STAMBP: variants seen among roughly 807,000 people sequenced by gnomAD.
The protein encoded by STAMBP is STAM binding protein, also known as STAM-binding protein.
In STAMBP, 31 loss-of-function variants were observed where a neutral mutation model predicts 50.7. That is an observed-to-expected ratio of 0.61 (90% CI 0.46 to 0.83). The LOEUF (loss-of-function observed/expected upper bound fraction) is 0.83, where lower values mean the gene tolerates loss of function less well. Among genes scored for constraint, STAMBP ranks in the 40% least tolerant of loss-of-function variants. The pLI, the probability that STAMBP is intolerant of heterozygous loss-of-function variation, is 0.00. For missense variants in STAMBP, 472 were observed against 518.9 expected, an observed-to-expected ratio of 0.91 and a Z score of 0.88; for synonymous variants, 211 against 192.4, an observed-to-expected ratio of 1.10 and a Z score of -0.80.
At chr2:73,837,757 C>T (rs1674905389) in intron 2 of STAMBP, among the ~76,000 whole-genome samples, 2 of 151,986 alleles carry the variant, frequency 1.3e-5, no homozygotes, top group South Asian at 4.2e-4. Flanking sequence ...ATAGGCTTCA[C>T]CAGATGCCAG....
intron 2 of STAMBP, among the ~76,000 whole-genome samples, chr2:73,834,237 ATAT>A (rs1282729766): frequency 1.8e-4 from 2 of 11,210 alleles, no homozygotes; most frequent in Non-Finnish European, 2.8e-4. Context: ...AAAAAAAAAA[ATAT>A]ATATATATAT....
intron 7 of STAMBP, among the ~76,000 whole-genome samples, chr2:73,857,466 T>A (rs1242202377): frequency 6.6e-6 from 1 of 152,150 alleles, no homozygotes; most frequent in Non-Finnish European, 1.5e-5. Context: ...TCCACTGCCT[T>A]CAAACAAGGG....
chr2:73,838,028 T>C (rs1001991652), intron 2 of STAMBP, among the ~76,000 whole-genome samples: 5 of 152,180 alleles, frequency 3.3e-5, no homozygotes, highest in African/African-American at 1.2e-4. Flanking sequence ...GATTGGCCTT[T>C]GGGTTTGGTA....
rs758557764 is a variant in STAMBP at position 73,845,225 on chromosome 2, G to A, written c.338G>A (p.Arg113Gln). 55 of 1,613,744 alleles carry A rather than the reference G, an allele frequency of 3.4e-5. No individual in the cohort carries two copies. Among genetic ancestry groups the A allele is most frequent in the Middle Eastern group, 1.6e-4 (1 of 6,076 alleles). The change falls in exon 4 of 10, where the codon CGA becomes CAA. Residue 113 changes from arginine (R) to glutamine (Q), a missense_variant. Physicochemically the swap from Arg to Gln is conservative, Grantham distance 43. Coordinates refer to ENST00000394070, the MANE Select transcript of STAMBP (RefSeq NM_213622.4). Reference sequence around the variant, plus strand: ...GAGCTGAAGGCAGAGCTGTTAAAACGATATACCAAAGAATATACAGAATAT... The same window carrying A: ...GAGCTGAAGGCAGAGCTGTTAAAACAATATACCAAAGAATATACAGAATAT... Reference protein sequence around the residue: ...AEELKAELLKRYTKEYTEYNE... With the variant: ...AEELKAELLKQYTKEYTEYNE...
rs774472719 is a variant in STAMBP at position 73,831,064 on chromosome 2, G to A, written c.203+5G>A. 9 of 1,612,862 alleles carry A rather than the reference G, an allele frequency of 5.6e-6. No individual in the cohort carries two copies. The highest frequency in any genetic ancestry group is 4.0e-5 in the African/African-American group (3 of 74,902). ...CCTCTATAACAAGTATATCACGTAA[G>A]ACACCTACAGTTTCCTTTTTCCTTT... is the stretch of plus-strand genomic sequence containing the variant. On this transcript the variant is annotated splice_donor_5th_base_variant and intron_variant, in intron 2 of 9. Coordinates refer to ENST00000394070, the MANE Select transcript of STAMBP (RefSeq NM_213622.4).
At chr2:73,829,875 G>A (rs1425322199) in intron 1 of STAMBP, among the ~76,000 whole-genome samples, 1 of 152,228 alleles carries the variant, frequency 6.6e-6, no homozygotes, top group Non-Finnish European at 1.5e-5. Flanking sequence ...CCTGACTGAA[G>A]CAAAAGATCT....
chr2:73,845,737 T>C (rs982111183), intron 4 of STAMBP, among the ~76,000 whole-genome samples: 1 of 151,822 alleles, frequency 6.6e-6, no homozygotes, highest in Non-Finnish European at 1.5e-5. Flanking sequence ...ACTCAAGTGA[T>C]TCTCCTACCT....
chr2:73,851,595 A>C (rs1676807849), intron 7 of STAMBP, among the ~76,000 whole-genome samples: 1 of 151,568 alleles, frequency 6.6e-6, no homozygotes, highest in Admixed American at 6.6e-5. Context: ...TGGGGGGACC[A>C]GTTCACTGAG....
downstream of STAMBP, among the ~76,000 whole-genome samples, chr2:73,869,492 A>G (rs17009424): frequency 0.093 from 14,133 of 152,264 alleles, 1,077 homozygotes; most frequent in East Asian, 0.3. Flanking sequence ...TCTGCTAAAA[A>G]GTATCATTTT....
At chr2:73,848,135 C>T (rs368345271) in intron 5 of STAMBP, among the ~76,000 whole-genome samples, 78 of 152,202 alleles carry the variant, frequency 5.1e-4, no homozygotes, top group Non-Finnish European at 9.3e-4. Flanking sequence ...CTGTTGAATA[C>T]GCAAAAGCAG....
At position 73,865,618 on chromosome 2, in the gene STAMBP, C is replaced by G. The variant is rs563539853; in HGVS notation, c.*3359C>G. 6.6e-6 allele frequency: 1 copy of G among 152,334 alleles called. No homozygotes were observed. Among genetic ancestry groups the G allele is most frequent in the African/African-American group, 2.4e-5 (1 of 41,566 alleles). 9.4% of individuals were successfully genotyped at this position (152,334 alleles called of 1,614,324 possible). On this transcript the variant is annotated 3_prime_UTR_variant, in exon 10 of 10. Transcript: ENST00000394070. ...GCAAATCACTTAACTTCCTAAATTT[C>G]TTTAAAATCTGTAAAATGGGATCAG...
chr2:73,833,531 TTA>T (rs1674218036), intron 2 of STAMBP, among the ~76,000 whole-genome samples: 1 of 152,216 alleles, frequency 6.6e-6, no homozygotes, highest in Admixed American at 6.5e-5. Flanking sequence ...AAGAATATTC[TTA>T]TGTATTTCCT....
At chr2:73,841,029 T>C (rs1420703363) in intron 2 of STAMBP, among the ~76,000 whole-genome samples, 7 of 152,206 alleles carry the variant, frequency 4.6e-5, no homozygotes, top group Non-Finnish European at 8.8e-5. Context: ...ATTTCTTTAA[T>C]TATGAGTGGA....
At position 73,850,453 on chromosome 2, in the gene STAMBP, C is replaced by G. The variant is rs560829426; in HGVS notation, c.945C>G (p.Asn315Lys). The G allele has an allele frequency of 9.3e-6, 15 of 1,613,796 alleles. No homozygotes were observed. Among genetic ancestry groups the G allele is most frequent in the Non-Finnish European group, 1.1e-5 (13 of 1,179,896 alleles). ...GGTCTGATTACTGCAACACAGAGAACGAAGAAGAACTTTTCCTCATACAGG... is the reference window on the plus strand; with the variant it reads ...GGTCTGATTACTGCAACACAGAGAAGGAAGAAGAACTTTTCCTCATACAGG... ...SAGSDYCNTE[N>K]EEELFLIQDQ... The change falls in exon 7 of 10, where the codon AAC becomes AAG. Residue 315 changes from asparagine to lysine, a missense_variant. Asn to Lys is a moderately conservative substitution (Grantham distance 94, BLOSUM62 0). Transcript: ENST00000394070. This position sits in a 1 kb window ranked among gnomAD's most constrained non-coding sequence, Gnocchi z 4.3.
intron 2 of STAMBP, among the ~76,000 whole-genome samples, chr2:73,839,828 T>G (rs1675157657): frequency 6.6e-6 from 1 of 152,212 alleles, no homozygotes; most frequent in Non-Finnish European, 1.5e-5. Context: ...CCACGTATTC[T>G]GTTCTGCGAC....
chr2:73,836,801 G>A (rs926412350), intron 2 of STAMBP, among the ~76,000 whole-genome samples: 1 of 152,202 alleles, frequency 6.6e-6, no homozygotes, highest in Non-Finnish European at 1.5e-5. Flanking sequence ...AGAGGTGCAT[G>A]CACACTGGGG....
At chr2:73,848,164 CT>C (rs997286100) in intron 5 of STAMBP, among the ~76,000 whole-genome samples, 31 of 148,094 alleles carry the variant, frequency 2.1e-4, no homozygotes, top group Admixed American at 2.0e-4. Flanking sequence ...TCCCCTCCCA[CT>C]TTTTTTTTTT....
intron 9 of STAMBP, 43 bp from the exon 10 acceptor site, chr2:73,862,160 T>C: frequency 1.3e-6 from 2 of 1,567,204 alleles, no homozygotes; most frequent in Middle Eastern, 3.4e-4. Flanking sequence ...AAAAGACTTT[T>C]CAGAATTTTC....
chr2:73,832,556 A>G (rs1674097564), intron 2 of STAMBP, among the ~76,000 whole-genome samples: 1 of 152,028 alleles, frequency 6.6e-6, no homozygotes, highest in Non-Finnish European at 1.5e-5. Flanking sequence ...AGTTTCTTAG[A>G]TATCTTCCAA....
Sources: gnomAD v4.1 joint callset for allele counts (sites outside exome capture counted in the v4.1 genomes callset) on GRCh38, gnomAD v4.1.1 for gene constraint, Gnocchi (gnomAD v3.1) non-coding constraint, MANE v1.5 for transcripts, NCBI Gene and HGNC (gene_info 2026-07-23, HGNC 2026-07-21) for gene names.